Variants in MAST1 observed in about 807,000 individuals in gnomAD.
The protein encoded by MAST1 is microtubule associated serine/threonine kinase 1, also known as microtubule-associated serine/threonine-protein kinase 1.
A neutral mutation model predicts 124.6 loss-of-function variants in MAST1; 40 were observed. That is an observed-to-expected ratio of 0.32 (90% CI 0.25 to 0.42). The LOEUF (loss-of-function observed/expected upper bound fraction) is 0.42. Ranked by LOEUF, MAST1 falls within the 10% of genes least tolerant of loss-of-function variation. MAST1 has a pLI of 1.00. For missense variants in MAST1, 1,558 were observed against 2,181.9 expected (o/e 0.71, Z 5.70); for synonymous variants, 938 against 939.4 (o/e 1.00, Z 0.03).
At chr19:12,869,773 C>T (rs920580367) in intron 22 of MAST1, among the ~76,000 whole-genome samples, 1 of 151,896 alleles carries the variant, frequency 6.6e-6, no homozygotes, top group Non-Finnish European at 1.5e-5. Context: ...GGAGAATAGG[C>T]CAGGCGCAGT....
chr19:12,867,516 A>G lies in MAST1; in HGVS notation c.2182A>G (p.Thr728Ala). 1 of 1,613,648 alleles carries G rather than the reference A, an allele frequency of 6.2e-7. No homozygotes were observed. The highest frequency in any genetic ancestry group is 8.5e-7 in the Non-Finnish European group (1 of 1,179,972). The change falls in exon 19 of 26, where the codon ACC becomes GCC. Residue 728 changes from threonine (T) to alanine (A), a missense_variant. By Grantham distance (58) the Thr-to-Ala change is moderately conservative. This residue lies in a region of MAST1 where 287 missense variants were observed against 308.0 expected (regional missense o/e 0.93). Transcript: ENST00000251472. ...GCAGCTGTCGCAGCACGAGCCCAAG[A>G]CCCCAGTAGCAGCTGCAGGGAGCAG... is the stretch of plus-strand genomic sequence containing the variant. Reference protein sequence around the residue: ...MEQLSQHEPKTPVAAAGSSKR... With the variant: ...MEQLSQHEPKAPVAAAGSSKR...
chr19:12,864,772 C>T (rs779213275), intron 12 of MAST1, 37 bp from the exon 13 acceptor site: 2 of 1,611,560 alleles, frequency 1.2e-6, no homozygotes, highest in South Asian at 1.1e-5. Flanking sequence ...GAGAGGAATG[C>T]CTCCCTTTTT....
In MAST1 at chr19:12,843,467, C is replaced by T; in HGVS notation, c.249-62C>T. ...GCCCTGGCCAGTGGCTTCACCCACA[C>T]CCTGAGGAGTTGGGGGACCGCTGGG... On this transcript the variant is annotated intron_variant, in intron 3 of 25. Transcript: ENST00000251472. The surrounding 1 kb of genome is among the most constrained non-coding windows in gnomAD (Gnocchi z 4.9). The T allele has an allele frequency of 2.9e-6, 4 of 1,367,940 alleles. No homozygotes were observed. Among genetic ancestry groups the T allele is most frequent in the Middle Eastern group, 1.8e-4 (1 of 5,536 alleles). The allele number at this position is 1,367,940 out of a possible 1,614,324, so 84.7% of individuals were successfully genotyped here.
At chr19:12,861,837 G>A (rs1426756165) in intron 12 of MAST1, among the ~76,000 whole-genome samples, 2 of 151,602 alleles carry the variant, frequency 1.3e-5, no homozygotes, top group African/African-American at 4.9e-5. Flanking sequence ...TGAGTAGCTG[G>A]GATTACAGGT....
In MAST1 at chr19:12,874,178, G is replaced by C; in HGVS notation, c.4021G>C (p.Gly1341Arg). Residue 1341 changes from glycine (G) to arginine (R), a missense_variant, in exon 26 of 26, where the codon GGC (glycine) becomes CGC (arginine). Transcript: ENST00000251472. The surrounding 1 kb of genome is among the most constrained non-coding windows in gnomAD (Gnocchi z 6.6). ...CCGACAGGAGTCACCTTTGAGCCTG[G>C]GCGCGGACCCGTTGCTGCCCGAGGG... ...LGRQESPLSL[G>R]ADPLLPEGAS... The C allele has an allele frequency of 6.5e-7, 1 of 1,542,048 alleles. No homozygotes were observed. The highest frequency in any genetic ancestry group is 8.7e-7 in the Non-Finnish European group (1 of 1,146,748).
At chr19:12,869,985 T>G (rs1161551451) in intron 22 of MAST1, among the ~76,000 whole-genome samples, 15 of 122,452 alleles carry the variant, frequency 1.2e-4, no homozygotes, top group African/African-American at 1.9e-4. Flanking sequence ...ATCGAGACCA[T>G]CCTGGCTAAC....
intron 22 of MAST1, among the ~76,000 whole-genome samples, chr19:12,870,477 CGA>C: frequency 7.5e-6 from 1 of 133,138 alleles, no homozygotes; most frequent in East Asian, 2.2e-4. Flanking sequence ...GGTGACAGAG[CGA>C]GAGACTCCGT....
chr19:12,855,576 T>C (rs1211946374), intron 10 of MAST1, among the ~76,000 whole-genome samples: 4 of 152,224 alleles, frequency 2.6e-5, no homozygotes, highest in Admixed American at 6.5e-5. Context: ...TCCACCCTGG[T>C]CTACTGGCCC....
chr19:12,858,532 G>A lies in MAST1; in HGVS notation c.1159G>A (p.Ala387Thr), dbSNP rs1970043750. 8.1e-6 allele frequency: 13 copies of A among 1,614,062 alleles called. No homozygotes were observed. Among genetic ancestry groups the A allele is most frequent in the Admixed American group, 1.7e-5 (1 of 60,016 alleles). Reference sequence around the variant, plus strand: ...GGTCCTCGCTCTCTCCCCCTGCAGCGCTGTCTACCTGGTGCGGCACCGCGA... The same window carrying A: ...GGTCCTCGCTCTCTCCCCCTGCAGCACTGTCTACCTGGTGCGGCACCGCGA... Reference protein sequence around the residue: ...IKLISNGAYGAVYLVRHRDTR... With the variant: ...IKLISNGAYGTVYLVRHRDTR... The change falls in exon 12 of 26, where the codon GCT becomes ACT. Residue 387 changes from alanine (A) to threonine (T), a missense_variant and splice_region_variant. By Grantham distance (58) the Ala-to-Thr change is moderately conservative (BLOSUM62 0). This residue lies in a region of MAST1 where 136 missense variants were observed against 160.9 expected (regional missense o/e 0.85). Coordinates refer to ENST00000251472, the MANE Select transcript of MAST1 (RefSeq NM_014975.3).
intron 2 of MAST1, 103 bp downstream of exon 2, chr19:12,840,637 T>A: frequency 2.4e-6 from 2 of 846,926 alleles, no homozygotes; most frequent in East Asian, 5.3e-5. Context: ...GCAGTTTGAA[T>A]GGAGGCGAAC....
chr19:12,840,722 G>C (rs1969815768), intron 2 of MAST1, among the ~76,000 whole-genome samples, 188 bp downstream of exon 2: 1 of 151,738 alleles, frequency 6.6e-6, no homozygotes. Flanking sequence ...GGGGGGCGGA[G>C]ACTCAGGTGG....
At chr19:12,870,254 C>T (rs1424031508) in intron 22 of MAST1, among the ~76,000 whole-genome samples, 4 of 150,256 alleles carry the variant, frequency 2.7e-5, no homozygotes. Context: ...CTTTGGGAGG[C>T]CGAGGTGGGT....
rs898479645 is a variant in MAST1, at chr19:12,841,989, G to A, written c.248+923G>A. ...GGGGACTGCTGGGAGGAAGAAGGAA[G>A]GGAGGAGTCCAATAAATGGGGTGTG... On this transcript the variant is annotated intron_variant, in intron 3 of 25. Coordinates refer to ENST00000251472, the MANE Select transcript of MAST1 (RefSeq NM_014975.3). This position sits in a 1 kb window ranked among gnomAD's most constrained non-coding sequence, Gnocchi z 4.3. 6.6e-6 allele frequency among the ~76,000 whole-genome samples: 1 copy of A among 152,168 alleles called. No homozygotes were observed. The highest frequency in any genetic ancestry group is 2.4e-5 in the African/African-American group (1 of 41,436).
Position 12,864,961 on chromosome 19 carries a change from T to C in MAST1, c.1505+14T>C, listed in dbSNP as rs1388947047. ...CAAGCCTGACAAGTGAGCTTTGATC[T>C]TTCCCATCACTCCCTCTGTCCCTCG... On this transcript the variant is annotated intron_variant, in intron 13 of 25. Transcript: ENST00000251472. 1 of 1,613,916 alleles carries C rather than the reference T, an allele frequency of 6.2e-7. No homozygotes were observed. The highest frequency in any genetic ancestry group is 8.5e-7 in the Non-Finnish European group (1 of 1,179,944).
At chr19:12,863,764 A>C (rs1200127506) in intron 12 of MAST1, among the ~76,000 whole-genome samples, 1 of 152,210 alleles carries the variant, frequency 6.6e-6, no homozygotes, top group Non-Finnish European at 1.5e-5. Flanking sequence ...AAAAGGAAAT[A>C]GATATTGAGA....
At position 12,873,910 on chromosome 19, in the gene MAST1, G is replaced by A; in HGVS notation, c.3753G>A (p.Lys1251=). 6.3e-7 allele frequency: 1 copy of A among 1,584,426 alleles called. No homozygotes were observed. The highest frequency in any genetic ancestry group is 8.5e-7 in the Non-Finnish European group (1 of 1,173,474). Residue 1251 remains lysine (K), a synonymous_variant, in exon 26 of 26, where the codon AAG becomes AAA. Transcript: ENST00000251472. ...SSPPVVRPRP[K]SAEPPRSPLL... ...CTCCCGTCGTGCGCCCGCGCCCCAA[G>A]AGTGCCGAGCCCCCTCGCTCGCCGC...
In MAST1 at chr19:12,865,847, G is replaced by A; in HGVS notation, c.1906+29G>A. ...AGTCCGCCATGCAGAGGAGCTGAGG[G>A]CCCACTGATAGAGAGCAGGCCTCCA... On this transcript the variant is annotated intron_variant, in intron 16 of 25. Transcript: ENST00000251472. The surrounding 1 kb of genome is among the most constrained non-coding windows in gnomAD (Gnocchi z 7.1). 1.9e-6 allele frequency: 3 copies of A among 1,606,062 alleles called. No homozygotes were observed. The highest frequency in any genetic ancestry group is 2.2e-5 in the East Asian group (1 of 44,780).
At position 12,865,029 on chromosome 19, in the gene MAST1, C is replaced by A. The variant is rs775003043; in HGVS notation, c.1506-17C>A. 6.2e-7 allele frequency: 1 copy of A among 1,613,758 alleles called. No homozygotes were observed. Among genetic ancestry groups the A allele is most frequent in the Non-Finnish European group, 8.5e-7 (1 of 1,179,742 alleles). ...ATGGACGGGCCTCATCCCTGAGATCCCCACCTGTGCCTACAGCCTCCTTAT... is the reference window on the plus strand; with the variant it reads ...ATGGACGGGCCTCATCCCTGAGATCACCACCTGTGCCTACAGCCTCCTTAT... On this transcript the variant is annotated splice_polypyrimidine_tract_variant and intron_variant, in intron 13 of 25. Transcript: ENST00000251472. This position sits in a 1 kb window ranked among gnomAD's most constrained non-coding sequence, Gnocchi z 7.1.
In MAST1 at chr19:12,865,115, C is replaced by T. The variant is rs752858936; in HGVS notation, c.1575C>T (p.Ser525=). ...DFGLSKMGLM[S]LTTNLYEGHI... ...GCCTCTCCAAGATGGGGCTCATGAGCCTCACCACCAACTTATATGAAGGCC... is the reference window on the plus strand; with the variant it reads ...GCCTCTCCAAGATGGGGCTCATGAGTCTCACCACCAACTTATATGAAGGCC... The change falls in exon 14 of 26, where the codon AGC becomes AGT. Residue 525 remains serine (S), a synonymous_variant. Transcript: ENST00000251472. This position sits in a 1 kb window ranked among gnomAD's most constrained non-coding sequence, Gnocchi z 7.1. The T allele has an allele frequency of 1.2e-6, 2 of 1,614,106 alleles. No homozygotes were observed. The highest frequency in any genetic ancestry group is 2.2e-5 in the East Asian group (1 of 44,882).
Sources: allele counts gnomAD v4.1 joint callset (sites outside exome capture counted in the v4.1 genomes callset), GRCh38; gene constraint gnomAD v4.1.1; regional missense constraint gnomAD v4.1.1; non-coding constraint Gnocchi (gnomAD v3.1); transcripts MANE v1.5; gene names NCBI Gene and HGNC (gene_info 2026-07-23, HGNC 2026-07-21).